GALNT13: variants seen among roughly 807,000 people sequenced by gnomAD.
GALNT13 encodes polypeptide N-acetylgalactosaminyltransferase 13.
In GALNT13, 28 loss-of-function variants were observed where a neutral mutation model predicts 64.2. The ratio of observed to expected loss-of-function variants is 0.44; its 90% CI spans 0.32 to 0.60. GALNT13 has a LOEUF of 0.60. Ranked by LOEUF, GALNT13 falls within the 20% of genes least tolerant of loss-of-function variation. The pLI is 0.05. For synonymous variants in GALNT13, 214 were observed against 224.6 expected (o/e 0.95, Z 0.42); for missense variants, 577 against 669.8 (o/e 0.86, Z 1.53).
chr2:153,552,244 A>G, the GALNT13 span, among the ~76,000 whole-genome samples: 1 of 152,192 alleles, frequency 6.6e-6, no homozygotes, highest in African/African-American at 2.4e-5. Context: ...AGAATAGTGA[A>G]TGAGACAACT....
intron 4 of GALNT13, among the ~76,000 whole-genome samples, chr2:154,168,109 G>A (rs899653360): frequency 4.6e-5 from 7 of 152,230 alleles, no homozygotes; most frequent in Middle Eastern, 3.4e-3. Flanking sequence ...GGCAGGGTGT[G>A]GTATGGAGCC....
chr2:153,412,371 G>T, the GALNT13 span, among the ~76,000 whole-genome samples: 1 of 152,130 alleles, frequency 6.6e-6, no homozygotes, highest in African/African-American at 2.4e-5. Flanking sequence ...CTTGTTAAAA[G>T]AAAAACATGA....
the GALNT13 span, among the ~76,000 whole-genome samples, chr2:153,387,163 A>AT: frequency 1.3e-5 from 2 of 152,184 alleles, no homozygotes; most frequent in Non-Finnish European, 2.9e-5. Context: ...AGGCAACCAT[A>AT]TTTTTTTCTA....
chr2:153,496,218 T>C, the GALNT13 span, among the ~76,000 whole-genome samples: 1 of 152,222 alleles, frequency 6.6e-6, no homozygotes, highest in Non-Finnish European at 1.5e-5. Context: ...CCATTTTCTT[T>C]AGCTCAACGA....
intron 8 of GALNT13, among the ~76,000 whole-genome samples, chr2:154,298,722 A>G (rs375036303): frequency 1.2e-4 from 8 of 65,774 alleles, no homozygotes; most frequent in South Asian, 4.9e-4. Flanking sequence ...TATATAAATT[A>G]TATTATTTAT....
intron 9 of GALNT13, among the ~76,000 whole-genome samples, chr2:154,331,259 TA>T (rs951272467): frequency 1.3e-5 from 2 of 151,926 alleles, no homozygotes; most frequent in African/African-American, 2.4e-5. Flanking sequence ...TAATCTCCAC[TA>T]AAAAAAATCT....
chr2:154,138,320 A>G (rs753825717), intron 3 of GALNT13, among the ~76,000 whole-genome samples: 4 of 152,102 alleles, frequency 2.6e-5, no homozygotes, highest in Admixed American at 1.3e-4. Flanking sequence ...GTATTATGCC[A>G]GTTTAATTCT....
chr2:153,069,198 C>A, the GALNT13 span, among the ~76,000 whole-genome samples: 4 of 152,198 alleles, frequency 2.6e-5, no homozygotes, highest in Non-Finnish European at 5.9e-5. Flanking sequence ...CCTAGAGCTT[C>A]TCCCCTGGTT....
chr2:154,025,877 A>G (rs775611528), intron 3 of GALNT13, among the ~76,000 whole-genome samples: 3 of 152,158 alleles, frequency 2.0e-5, no homozygotes, highest in African/African-American at 7.2e-5. Context: ...CTGAGTCTCA[A>G]TATATGAATA....
chr2:153,936,323 C>G (rs776797568), intron 2 of GALNT13, among the ~76,000 whole-genome samples: 1 of 152,072 alleles, frequency 6.6e-6, no homozygotes, highest in Non-Finnish European at 1.5e-5. Context: ...AATACTATGC[C>G]ATTTTATATA....
At chr2:153,996,769 C>A (rs1695551387) in intron 3 of GALNT13, among the ~76,000 whole-genome samples, 1 of 151,938 alleles carries the variant, frequency 6.6e-6, no homozygotes, top group South Asian at 2.1e-4. Context: ...AAGTGTTTCC[C>A]CTATGCTTTT....
chr2:154,025,290 C>G (rs1697870685), intron 3 of GALNT13, among the ~76,000 whole-genome samples: 1 of 152,136 alleles, frequency 6.6e-6, no homozygotes, highest in South Asian at 2.1e-4. Flanking sequence ...GGAGCTGTTC[C>G]TATTTGGCCA....
At chr2:153,556,517 T>G in the GALNT13 span, among the ~76,000 whole-genome samples, 1 of 152,230 alleles carries the variant, frequency 6.6e-6, no homozygotes. Flanking sequence ...GCACATCAGC[T>G]ATTTCCACAA....
the GALNT13 span, among the ~76,000 whole-genome samples, chr2:153,308,418 C>T: frequency 6.6e-6 from 1 of 152,132 alleles, no homozygotes; most frequent in East Asian, 1.9e-4. Context: ...ACTTATTTAA[C>T]AAATGACACA....
chr2:153,261,512 C>T, the GALNT13 span, among the ~76,000 whole-genome samples: 1 of 152,140 alleles, frequency 6.6e-6, no homozygotes, highest in African/African-American at 2.4e-5. Flanking sequence ...GTTTTCTTCC[C>T]TTACTTTCCC....
the GALNT13 span, among the ~76,000 whole-genome samples, chr2:153,078,318 C>CTTTT: frequency 3.0e-5 from 4 of 134,012 alleles, no homozygotes; most frequent in Admixed American, 7.6e-5. Flanking sequence ...CCTTTTCATT[C>CTTTT]TTTTTTTTTT....
intron 9 of GALNT13, among the ~76,000 whole-genome samples, chr2:154,324,796 C>A (rs116788296): frequency 8.9e-4 from 136 of 152,090 alleles, no homozygotes; most frequent in African/African-American, 3.1e-3. Flanking sequence ...AGATGCTCAC[C>A]GGCAGGAGTG....
At chr2:153,656,061 A>C in the GALNT13 span, among the ~76,000 whole-genome samples, 1 of 152,160 alleles carries the variant, frequency 6.6e-6, no homozygotes, top group Admixed American at 6.6e-5. Flanking sequence ...ATGTCTCCGT[A>C]ATTAAACATT....
chr2:154,429,988 G>GA (rs1214819501), intron 11 of GALNT13, among the ~76,000 whole-genome samples: 2 of 151,874 alleles, frequency 1.3e-5, no homozygotes, highest in South Asian at 2.1e-4. Context: ...TATTTCTGAG[G>GA]AAAAAAAGAT....
Sources: gnomAD v4.1 joint callset for allele counts (sites outside exome capture counted in the v4.1 genomes callset) on GRCh38, gnomAD v4.1.1 for gene constraint, MANE v1.5 for transcripts, NCBI Gene and HGNC (gene_info 2026-07-23, HGNC 2026-07-21) for gene names.